The following LYPD1 variants were observed in gnomAD, a reference collection of about 807,000 sequenced individuals.
LYPD1 encodes ly6/PLAUR domain-containing protein 1.
Under a neutral mutation model 14.2 loss-of-function variants are expected in LYPD1, and 14 were observed. That is an observed-to-expected ratio of 0.99 (90% CI 0.65 to 1.54). The LOEUF (loss-of-function observed/expected upper bound fraction) is 1.54. Among genes scored for constraint, LYPD1 ranks in the 40% most tolerant of loss-of-function variants. The pLI is 0.00. For missense variants in LYPD1, 165 were observed against 175.7 expected, an observed-to-expected ratio of 0.94 and a Z score of 0.34; for synonymous variants, 85 against 70.6, an observed-to-expected ratio of 1.20 and a Z score of -1.02.
At chr2:132,657,511 C>T (rs1682670286) in intron 2 of LYPD1, among the ~76,000 whole-genome samples, 1 of 152,088 alleles carries the variant, frequency 6.6e-6, no homozygotes, top group Non-Finnish European at 1.5e-5. Context: ...ACAAATTCAC[C>T]CAAATGTAGG....
At chr2:132,649,463 C>A (rs1172726083) in intron 2 of LYPD1, among the ~76,000 whole-genome samples, 1 of 152,166 alleles carries the variant, frequency 6.6e-6, no homozygotes, top group Admixed American at 6.6e-5. Flanking sequence ...GTAGGCACTT[C>A]AGCAGGCAGG....
At chr2:132,647,673 G>A (rs562132917) in intron 2 of LYPD1, among the ~76,000 whole-genome samples, 1 of 151,350 alleles carries the variant, frequency 6.6e-6, no homozygotes, top group Non-Finnish European at 1.5e-5. Flanking sequence ...TTTTTGGATA[G>A]ATGATAGTGT....
chr2:132,648,853 G>A (rs372917776), intron 2 of LYPD1, among the ~76,000 whole-genome samples: 1 of 152,110 alleles, frequency 6.6e-6, no homozygotes, highest in African/African-American at 2.4e-5. Context: ...GGTGTCTGAT[G>A]TCAGATAGGT....
intron 2 of LYPD1, among the ~76,000 whole-genome samples, chr2:132,656,881 T>A (rs559069309): frequency 6.6e-6 from 1 of 152,192 alleles, no homozygotes; most frequent in Admixed American, 6.5e-5. Context: ...TCCATACTGA[T>A]GTTGAGCCCA....
Position 132,645,243 on chromosome 2 carries a change from C to T in LYPD1, c.*802G>A. 2 of 1,614,216 alleles carry T rather than the reference C, an allele frequency of 1.2e-6. No homozygotes were observed. Among genetic ancestry groups the T allele is most frequent in the Non-Finnish European group, 1.7e-6 (2 of 1,180,036 alleles). The stretch of plus-strand genomic sequence containing the variant: ...TCCTCCCCTTCTCGGAGACGTTTTT[C>T]TACCTCAGCTCGGTCATCAACCCGC... On this transcript the variant is annotated 3_prime_UTR_variant, in exon 3 of 3. Coordinates refer to ENST00000397463, the MANE Select transcript of LYPD1 (RefSeq NM_144586.7).
At chr2:132,646,445 A>C (rs1390632831) in intron 2 of LYPD1, 165 bp from the exon 3 acceptor site, 2 of 416,360 alleles carry the variant, frequency 4.8e-6, no homozygotes, top group East Asian at 3.6e-5. Flanking sequence ...TATTCAAGAT[A>C]GATGGTGAAA....
At position 132,645,321 on chromosome 2, in the gene LYPD1, G is replaced by C; in HGVS notation, c.*724C>G. ...TTCGGCGGGTGTTCGTGCAGGTGCT[G>C]TGCTGCCGCCTGTCGCTGCAGCACG... On this transcript the variant is annotated 3_prime_UTR_variant, in exon 3 of 3. Coordinates refer to ENST00000397463, the MANE Select transcript of LYPD1 (RefSeq NM_144586.7). 2 of 1,614,190 alleles carry C rather than the reference G, an allele frequency of 1.2e-6. No individual in the cohort carries two copies. Among genetic ancestry groups the C allele is most frequent in the Admixed American group, 1.7e-5 (1 of 60,030 alleles).
chr2:132,670,053 G>A lies in LYPD1; in HGVS notation c.-121C>T, dbSNP rs747360023. ...CTGCTGGGGCCCGCGCTGCTGCCGC[G>A]GAGACGACGGTCGTAGCTTAGAGGA... is the stretch of plus-strand genomic sequence containing the variant. On this transcript the variant is annotated 5_prime_UTR_variant, in exon 1 of 3. Coordinates refer to ENST00000397463, the MANE Select transcript of LYPD1 (RefSeq NM_144586.7). This position sits in a 1 kb window ranked among gnomAD's most constrained non-coding sequence, Gnocchi z 4.5. 2.6e-6 allele frequency: 4 copies of A among 1,533,026 alleles called. No homozygotes were observed. The highest frequency in any genetic ancestry group is 2.8e-5 in the African/African-American group (2 of 71,426). 95.0% of individuals were successfully genotyped at this position (1,533,026 alleles called of 1,614,324 possible). A position where few individuals can be genotyped will look rare whatever the true frequency, so the allele number is the denominator to read the frequency against.
intron 2 of LYPD1, among the ~76,000 whole-genome samples, chr2:132,661,047 C>T (rs1206667745): frequency 2.0e-5 from 3 of 152,182 alleles, no homozygotes; most frequent in African/African-American, 7.2e-5. Context: ...CCACAGTGTA[C>T]TCCTCTGTAA....
Position 132,669,909 on chromosome 2 carries a change from T to C in LYPD1, c.24A>G (p.Ala8=), listed in dbSNP as rs1220973259. The C allele has an allele frequency of 1.2e-6, 2 of 1,612,846 alleles. No individual in the cohort carries two copies. Among genetic ancestry groups the C allele is most frequent in the Admixed American group, 3.3e-5 (2 of 59,996 alleles). ...GAAGCAAGAACAATCCGCAAAAAGT[T>C]GCCGCGATGCCTAGGACCCACATTC... MWVLGIA[A]TFCGLFLLPG... The change falls in exon 1 of 3, where the codon GCA becomes GCG. Residue 8 remains alanine (A), a synonymous_variant. Transcript: ENST00000397463. The surrounding 1 kb of genome is among the most constrained non-coding windows in gnomAD (Gnocchi z 4.3).
chr2:132,667,197 C>T (rs986814447), intron 2 of LYPD1, among the ~76,000 whole-genome samples: 7 of 152,118 alleles, frequency 4.6e-5, no homozygotes, highest in African/African-American at 9.7e-5. Context: ...CCGCATTTCT[C>T]GAGACAAGTT....
At chr2:132,662,776 C>T (rs1287649784) in intron 2 of LYPD1, among the ~76,000 whole-genome samples, 1 of 152,252 alleles carries the variant, frequency 6.6e-6, no homozygotes, top group East Asian at 1.9e-4. Flanking sequence ...AGCTTTGAAA[C>T]CTCTCTGTTT....
In LYPD1 at chr2:132,645,088, C is replaced by CGTGTCTGCCCAGGGCT; in HGVS notation, c.*941_*956dup. On this transcript the variant is annotated 3_prime_UTR_variant, in exon 3 of 3. Transcript: ENST00000397463. Reference sequence around the variant, plus strand: ...CTTTTCTCTGTCTCTCCCTCCTGCTCGTGTCTGCCCAGGGCTGATTGTTGT... The same window carrying CGTGTCTGCCCAGGGCT: ...CTTTTCTCTGTCTCTCCCTCCTGCTCGTGTCTGCCCAGGGCTGTGTCTGCCCAGGGCTGATTGTTGT... 1 of 1,600,098 alleles carries CGTGTCTGCCCAGGGCT rather than the reference C, an allele frequency of 6.2e-7. No homozygotes were observed. The highest frequency in any genetic ancestry group is 8.5e-7 in the Non-Finnish European group (1 of 1,171,806).
chr2:132,644,619 G>T lies in LYPD1; in HGVS notation c.*1426C>A, dbSNP rs1445066536. ...TAAATATGCTGCTTTGTTGCCAAAG[G>T]GACACTTCTTCCATTTGATTTAAAA... On this transcript the variant is annotated 3_prime_UTR_variant, in exon 3 of 3. Coordinates refer to ENST00000397463, the MANE Select transcript of LYPD1 (RefSeq NM_144586.7). Among the ~76,000 whole-genome samples the T allele has an allele frequency of 6.6e-6, 1 of 152,038 alleles. No homozygotes were observed. The highest frequency in any genetic ancestry group is 1.5e-5 in the Non-Finnish European group (1 of 68,012).
At chr2:132,657,731 T>C (rs1376614971) in intron 2 of LYPD1, among the ~76,000 whole-genome samples, 2 of 152,216 alleles carry the variant, frequency 1.3e-5, no homozygotes, top group Non-Finnish European at 2.9e-5. Flanking sequence ...CATTTGTTGG[T>C]ATATGTGTTT....
intron 2 of LYPD1, chr2:132,666,841 T>C (rs1302949378): frequency 6.6e-6 from 1 of 152,228 alleles, no homozygotes; most frequent in Non-Finnish European, 1.5e-5. Context: ...TCCCAGGTGA[T>C]AAAATATGAC....
intron 2 of LYPD1, among the ~76,000 whole-genome samples, chr2:132,667,360 AGCAATAT>A (rs1422446923): frequency 6.6e-6 from 1 of 152,222 alleles, no homozygotes; most frequent in Admixed American, 6.5e-5. Flanking sequence ...CCATGAGGAT[AGCAATAT>A]GACATTTCCA....
chr2:132,670,179 T>A lies in LYPD1; in HGVS notation c.-247A>T. 7.7e-7 allele frequency: 1 copy of A among 1,299,040 alleles called. No homozygotes were observed. The highest frequency in any genetic ancestry group is 9.9e-7 in the Non-Finnish European group (1 of 1,015,104). The allele number at this position is 1,299,040 out of a possible 1,614,324, so 80.5% of individuals were successfully genotyped here. A position where few individuals can be genotyped will look rare whatever the true frequency, so the allele number is the denominator to read the frequency against. ...GCGCTCCCGGGCCGAGCACCGCGCC[T>A]CCGGAGTTGGCGGCTGAGACTGAAG... On this transcript the variant is annotated 5_prime_UTR_variant, in exon 1 of 3. Transcript: ENST00000397463. The surrounding 1 kb of genome is among the most constrained non-coding windows in gnomAD (Gnocchi z 4.5).
intron 2 of LYPD1, among the ~76,000 whole-genome samples, chr2:132,664,072 C>T (rs1482705533): frequency 2.6e-5 from 4 of 151,870 alleles, no homozygotes; most frequent in African/African-American, 7.3e-5. Context: ...CATATGTGTG[C>T]GCACAGGCAT....
Sources: allele counts gnomAD v4.1 joint callset (sites outside exome capture counted in the v4.1 genomes callset), GRCh38; gene constraint gnomAD v4.1.1; non-coding constraint Gnocchi (gnomAD v3.1); transcripts MANE v1.5; gene names NCBI Gene and HGNC (gene_info 2026-07-23, HGNC 2026-07-21).